SYNE1: variants seen among roughly 807,000 people sequenced by gnomAD.
The protein encoded by SYNE1 is spectrin repeat containing nuclear envelope protein 1.
Under a neutral mutation model 1,111.0 loss-of-function variants are expected in SYNE1, and 616 were observed. The ratio of observed to expected loss-of-function variants is 0.55; its 90% CI spans 0.52 to 0.59. The LOEUF is 0.59. SYNE1 is among the 20% of genes least tolerant of loss of function. The pLI, the probability that SYNE1 is intolerant of heterozygous loss-of-function variation, is 0.00. For missense variants in SYNE1, 10,006 were observed against 10,417.0 expected (o/e 0.96, Z 1.72); for synonymous variants, 3,855 against 3,825.8 (o/e 1.01, Z -0.28).
In SYNE1 at chr6:152,230,634, T is replaced by C. The variant is rs528638504; in HGVS notation, c.21108A>G (p.Thr7036=). The part of the protein sequence containing the change: ...EYENNVQCLK[T]WFETQEKRLK... ...GTCTCTTTTCCTGGGTTTCAAACCA[T>C]GTTTTCAGACATTGTACATTATTTT... The change falls in exon 115 of 146, where the codon ACA becomes ACG. Residue 7036 remains threonine, a synonymous_variant. Transcript: ENST00000367255. The C allele has an allele frequency of 2.5e-6, 4 of 1,614,114 alleles. No individual in the cohort carries two copies. The African/African-American group carries it at 4.0e-5, about 16-fold the overall frequency.
chr6:152,166,381 T>A (rs2063660959), intron 130 of SYNE1, among the ~76,000 whole-genome samples: 1 of 152,230 alleles, frequency 6.6e-6, no homozygotes, highest in Non-Finnish European at 1.5e-5. Context: ...TTTAAAATTT[T>A]TATTTGATAT....
chr6:152,477,236 A>G (rs1045477752), intron 14 of SYNE1, among the ~76,000 whole-genome samples: 2 of 152,204 alleles, frequency 1.3e-5, no homozygotes, highest in African/African-American at 4.8e-5. Flanking sequence ...CAAGCAAAAG[A>G]TAAGATAAAT....
At chr6:152,515,455 T>C (rs1349193519) in intron 6 of SYNE1, among the ~76,000 whole-genome samples, 2 of 152,162 alleles carry the variant, frequency 1.3e-5, no homozygotes, top group African/African-American at 2.4e-5. Flanking sequence ...TAATACACAA[T>C]TTAAAGGAAT....
At chr6:152,155,065 A>G (rs186840701) in intron 132 of SYNE1, 23 bp from the exon 133 acceptor site, 2 of 1,613,980 alleles carry the variant, frequency 1.2e-6, no homozygotes, top group African/African-American at 1.3e-5. Context: ...ATGAAAGAAC[A>G]GATTCAGATT....
chr6:152,411,694 A>G (rs987499747), intron 42 of SYNE1, among the ~76,000 whole-genome samples: 1 of 150,462 alleles, frequency 6.6e-6, no homozygotes, highest in Admixed American at 6.6e-5. Context: ...CCTGCTCCAC[A>G]AGGAGCACTT....
intron 100 of SYNE1, 111 bp downstream of exon 100, chr6:152,267,945 G>A: frequency 1.1e-6 from 1 of 921,976 alleles, no homozygotes; most frequent in Non-Finnish European, 1.7e-6. Flanking sequence ...AAAATAAGAT[G>A]ACTAAATTTT....
In SYNE1 at chr6:152,294,110, T is replaced by C; in HGVS notation, c.17700A>G (p.Gln5900=). The C allele has an allele frequency of 6.2e-7, 1 of 1,613,716 alleles. No individual in the cohort carries two copies. Among genetic ancestry groups the C allele is most frequent in the Non-Finnish European group, 8.5e-7 (1 of 1,180,002 alleles). ...TCTGCAACCTCTCAGCAGACAAGGCTTGGTAATATGCAATGTCCTGTGAGT... is the reference window on the plus strand; with the variant it reads ...TCTGCAACCTCTCAGCAGACAAGGCCTGGTAATATGCAATGTCCTGTGAGT... ...ASVNQDIAYY[Q]ALSAERLQTD... Residue 5900 remains glutamine, a synonymous_variant, in exon 94 of 146, where the codon CAA becomes CAG. Coordinates refer to ENST00000367255, the MANE Select transcript of SYNE1 (RefSeq NM_182961.4).
rs577394545 is a variant in SYNE1, at chr6:152,411,708, G to A, written c.6230+1644C>T. Among the ~76,000 whole-genome samples the A allele has an allele frequency of 3.6e-4, 48 of 133,746 alleles. No individual in the cohort carries two copies. In the East Asian group the frequency reaches 0.014, roughly 39 times the overall value. The allele number at this position is 133,746 out of a possible 152,430, so 87.7% of individuals were successfully genotyped here. A position where few individuals can be genotyped will look rare whatever the true frequency, so the allele number is the denominator to read the frequency against. ...TCCTGCTCCACAAGGAGCACTTAAA[G>A]TCACACACACACACACACACCCCCA... On this transcript the variant is annotated intron_variant, in intron 42 of 145. Coordinates refer to ENST00000367255, the MANE Select transcript of SYNE1 (RefSeq NM_182961.4).
chr6:152,329,329 C>T (rs117081093), intron 78 of SYNE1, among the ~76,000 whole-genome samples: 1 of 152,144 alleles, frequency 6.6e-6, no homozygotes, highest in African/African-American at 2.4e-5. Context: ...AGTTTGAGAC[C>T]GGCTTGGCCA....
chr6:152,603,855 A>ATC (rs1371325652), intron 3 of SYNE1, among the ~76,000 whole-genome samples: 1 of 130,572 alleles, frequency 7.7e-6, no homozygotes, highest in Non-Finnish European at 1.7e-5. Context: ...ACATATATGT[A>ATC]TATATAGATA....
At chr6:152,581,616 T>C (rs2099519905) in intron 3 of SYNE1, among the ~76,000 whole-genome samples, 1 of 152,176 alleles carries the variant, frequency 6.6e-6, no homozygotes, top group African/African-American at 2.4e-5. Flanking sequence ...TTTCATTCCT[T>C]GTCCTGTCCT....
chr6:152,637,166 C>A (rs1178208855), intron 1 of SYNE1, 23 bp downstream of exon 1: 2 of 152,454 alleles, frequency 1.3e-5, no homozygotes, highest in Non-Finnish European at 2.9e-5. Flanking sequence ...GGCGGGGACC[C>A]GGAGGCTCGC....
In SYNE1 at chr6:152,164,151, T is replaced by C. The variant is rs1246845223; in HGVS notation, c.23790+12A>G. 6.2e-7 allele frequency: 1 copy of C among 1,614,102 alleles called. No individual in the cohort carries two copies. Among genetic ancestry groups the C allele is most frequent in the Non-Finnish European group, 8.5e-7 (1 of 1,179,974 alleles). On this transcript the variant is annotated intron_variant, in intron 131 of 145. Coordinates refer to ENST00000367255, the MANE Select transcript of SYNE1 (RefSeq NM_182961.4). The stretch of plus-strand genomic sequence containing the variant: ...CATGGCTTATTAATTCCATTTCCAT[T>C]TTAAGTCTTACCTGCTGCTCATTAA...
intron 105 of SYNE1, among the ~76,000 whole-genome samples, chr6:152,248,829 T>G (rs1193948544): frequency 6.6e-6 from 1 of 152,188 alleles, no homozygotes; most frequent in African/African-American, 2.4e-5. Context: ...GTACCCATAA[T>G]GCTTTGTCAG....
chr6:152,296,329 G>A (rs755607033), intron 93 of SYNE1, among the ~76,000 whole-genome samples: 6 of 152,186 alleles, frequency 3.9e-5, no homozygotes, highest in Non-Finnish European at 8.8e-5. Flanking sequence ...CAATATTGGT[G>A]AATTGATAAG....
rs1362825272 is a variant in SYNE1, at chr6:152,505,248, G to T, written c.731C>A (p.Thr244Asn). The change falls in exon 9 of 146, where the codon ACT becomes AAT. Residue 244 changes from threonine (T) to asparagine (N), a missense_variant. Thr to Asn is a moderately conservative substitution (Grantham distance 65, BLOSUM62 0). Transcript: ENST00000367255. ...SNRENLEDAF[T>N]IAETELGIPR... The stretch of plus-strand genomic sequence containing the variant: ...GATCCCCAGTTCTGTTTCGGCGATA[G>T]TGAAAGCATCCTCCAAATTTTCTCG... The T allele has an allele frequency of 6.2e-7, 1 of 1,614,056 alleles. No individual in the cohort carries two copies.
At chr6:152,281,676 T>C in intron 97 of SYNE1, 131 bp downstream of exon 97, 1 of 984,504 alleles carries the variant, frequency 1.0e-6, no homozygotes, top group East Asian at 2.6e-5. Context: ...TTTTCTATTC[T>C]TTAAATGTAT....
chr6:152,417,366 T>G (rs189460459), intron 40 of SYNE1, among the ~76,000 whole-genome samples: 1 of 152,038 alleles, frequency 6.6e-6, no homozygotes. Flanking sequence ...GGCGTGGTGG[T>G]GGGCGCCTGT....
At chr6:152,486,246 C>A (rs905910047) in intron 12 of SYNE1, among the ~76,000 whole-genome samples, 2 of 151,066 alleles carry the variant, frequency 1.3e-5, no homozygotes, top group Admixed American at 6.6e-5. Flanking sequence ...TAAAAAAAAA[C>A]AAAACATCAA....
Sources: allele counts gnomAD v4.1 joint callset (sites outside exome capture counted in the v4.1 genomes callset), GRCh38; gene constraint gnomAD v4.1.1; transcripts MANE v1.5; gene names NCBI Gene and HGNC (gene_info 2026-07-23, HGNC 2026-07-21).